The following KHDRBS2 variants were observed in gnomAD, a reference collection of about 807,000 sequenced individuals.
KHDRBS2 encodes KH RNA binding domain containing, signal transduction associated 2.
KHDRBS2 carries 26 observed loss-of-function variants against 44.3 expected under a neutral mutation model. That is an observed-to-expected ratio of 0.59 (90% CI 0.43 to 0.81). The LOEUF is 0.81. KHDRBS2 is among the 40% of genes least tolerant of loss of function. The pLI is 0.00. For synonymous variants in KHDRBS2, 194 were observed against 151.1 expected (o/e 1.28, Z -2.08); for missense variants, 476 against 433.1 (o/e 1.10, Z -0.88).
At chr6:62,065,436 T>C (rs1337585504) in intron 2 of KHDRBS2, among the ~76,000 whole-genome samples, 1 of 128,684 alleles carries the variant, frequency 7.8e-6, no homozygotes, top group Non-Finnish European at 1.7e-5. Context: ...ATATACACCA[T>C]GGAATACTAT....
At chr6:62,255,315 C>T (rs2150177659) in intron 1 of KHDRBS2, among the ~76,000 whole-genome samples, 1 of 152,126 alleles carries the variant, frequency 6.6e-6, no homozygotes, top group South Asian at 2.1e-4. Flanking sequence ...GTCCACATGA[C>T]ATATCAGAGG....
the KHDRBS2 span, among the ~76,000 whole-genome samples, chr6:61,650,330 T>G: frequency 6.6e-6 from 1 of 151,880 alleles, no homozygotes; most frequent in Non-Finnish European, 1.5e-5. Flanking sequence ...TTTTGTTTAT[T>G]GCTCCAAACT....
At chr6:61,769,123 C>A (rs1225138892) in intron 6 of KHDRBS2, among the ~76,000 whole-genome samples, 1 of 152,054 alleles carries the variant, frequency 6.6e-6, no homozygotes, top group Non-Finnish European at 1.5e-5. Flanking sequence ...GCATTTTAGG[C>A]TGACGTTAAA....
At chr6:61,954,395 ACG>A (rs1765540831) in intron 4 of KHDRBS2, among the ~76,000 whole-genome samples, 1 of 144,836 alleles carries the variant, frequency 6.9e-6, no homozygotes, top group African/African-American at 2.5e-5. Context: ...ATACATATAT[ACG>A]TATGTATGCA....
At chr6:61,677,660 T>G (rs1362870198), downstream of KHDRBS2, among the ~76,000 whole-genome samples, 1 of 151,934 alleles carries the variant, frequency 6.6e-6, no homozygotes, top group Non-Finnish European at 1.5e-5. Context: ...CTTATAAAAT[T>G]TGAACAATTC....
In KHDRBS2 at chr6:61,708,901, A is replaced by G. The variant is rs570246503; in HGVS notation, c.894-11648T>C. Reference sequence around the variant, plus strand: ...GGGTTCCACTTGGAATACAATCAGTACTTTTTCTAAAAATTATATACAGAA... The same window carrying G: ...GGGTTCCACTTGGAATACAATCAGTGCTTTTTCTAAAAATTATATACAGAA... On this transcript the variant is annotated intron_variant, in intron 7 of 8. Transcript: ENST00000281156. 9.2e-5 allele frequency among the ~76,000 whole-genome samples: 14 copies of G among 151,784 alleles called. No individual in the cohort carries two copies. In the East Asian group the frequency reaches 2.3e-3, roughly 25 times the overall value.
chr6:62,286,195 G>C lies in KHDRBS2; in HGVS notation c.-247C>G. 1 of 516,814 alleles carries C rather than the reference G, an allele frequency of 1.9e-6. No homozygotes were observed. Among genetic ancestry groups the C allele is most frequent in the East Asian group, 3.7e-5 (1 of 27,288 alleles). 32.0% of individuals were successfully genotyped at this position (516,814 alleles called of 1,614,324 possible). A position where few individuals can be genotyped will look rare whatever the true frequency, so the allele number is the denominator to read the frequency against. On this transcript the variant is annotated 5_prime_UTR_variant, in exon 1 of 9. Transcript: ENST00000281156. ...TCGCGCAGAGCCCCGGCTCACACCA[G>C]CGGCCTTAACTGGAGAGGCGGGAAC... is the stretch of plus-strand genomic sequence containing the variant.
Position 61,680,274 on chromosome 6 carries a change from T to G in KHDRBS2, c.*689A>C, listed in dbSNP as rs1375024468. 2 of 152,420 alleles carry G rather than the reference T, an allele frequency of 1.3e-5. No homozygotes were observed. The highest frequency in any genetic ancestry group is 2.9e-5 in the Non-Finnish European group (2 of 67,886). 9.4% of individuals were successfully genotyped at this position (152,420 alleles called of 1,614,324 possible). On this transcript the variant is annotated 3_prime_UTR_variant, in exon 9 of 9. Coordinates refer to ENST00000281156, the MANE Select transcript of KHDRBS2 (RefSeq NM_152688.4). ...AGTTTTCAGCTTTATTGACAAATTA[T>G]GGCAAACATATTTGACAAATTGTGG...
At position 61,758,306 on chromosome 6, in the gene KHDRBS2, A is replaced by G. The variant is rs112762669; in HGVS notation, c.811-25542T>C. On this transcript the variant is annotated intron_variant, in intron 6 of 8. Coordinates refer to ENST00000281156, the MANE Select transcript of KHDRBS2 (RefSeq NM_152688.4). ...TGTATGTTTTTTGTTGTTTTAGGTCAAAACGTAAGTCTAGTTCATGTTAAC... is the reference window on the plus strand; with the variant it reads ...TGTATGTTTTTTGTTGTTTTAGGTCGAAACGTAAGTCTAGTTCATGTTAAC... Among the ~76,000 whole-genome samples, 208 of 152,144 alleles carry G rather than the reference A, an allele frequency of 1.4e-3. 1 individual carries two copies. The highest frequency in any genetic ancestry group is 4.9e-3 in the African/African-American group (202 of 41,536).
At chr6:62,279,762 T>C (rs1841535587) in intron 1 of KHDRBS2, among the ~76,000 whole-genome samples, 1 of 152,170 alleles carries the variant, frequency 6.6e-6, no homozygotes, top group Non-Finnish European at 1.5e-5. Flanking sequence ...AGTGAGGTCT[T>C]AGCATGTGCA....
intron 6 of KHDRBS2, among the ~76,000 whole-genome samples, chr6:61,858,058 A>G (rs1423201585): frequency 6.6e-6 from 1 of 151,954 alleles, no homozygotes; most frequent in Non-Finnish European, 1.5e-5. Context: ...TGCATTCAAG[A>G]TTGACATCAT....
At chr6:61,610,446 C>A in the KHDRBS2 span, among the ~76,000 whole-genome samples, 1 of 151,904 alleles carries the variant, frequency 6.6e-6, no homozygotes, top group Non-Finnish European at 1.5e-5. Flanking sequence ...AATTTGGGAG[C>A]CTTTTATCTG....
chr6:61,884,489 C>A (rs1020580612), intron 6 of KHDRBS2, among the ~76,000 whole-genome samples: 16 of 152,008 alleles, frequency 1.1e-4, no homozygotes, highest in African/African-American at 2.9e-4. Context: ...AAACTGGAAA[C>A]TGTTTTGTCT....
intron 6 of KHDRBS2, among the ~76,000 whole-genome samples, chr6:61,886,057 T>C (rs1205715628): frequency 6.6e-6 from 1 of 152,176 alleles, no homozygotes; most frequent in Non-Finnish European, 1.5e-5. Flanking sequence ...GGGCCACATC[T>C]CAGTCAGTCT....
chr6:62,007,087 T>C (rs1779378936), intron 3 of KHDRBS2, among the ~76,000 whole-genome samples: 1 of 152,092 alleles, frequency 6.6e-6, no homozygotes, highest in African/African-American at 2.4e-5. Context: ...CTACCTTTCA[T>C]GTTTCTGCTC....
intron 1 of KHDRBS2, among the ~76,000 whole-genome samples, chr6:62,260,367 C>T (rs909120982): frequency 1.3e-5 from 2 of 151,860 alleles, no homozygotes; most frequent in Non-Finnish European, 2.9e-5. Flanking sequence ...GACCTTTTGT[C>T]AATATAATTC....
chr6:62,161,204 A>T (rs1304859817), intron 2 of KHDRBS2, among the ~76,000 whole-genome samples: 1 of 151,992 alleles, frequency 6.6e-6, no homozygotes, highest in Admixed American at 6.6e-5. Context: ...TATAAATAGC[A>T]TATATTTGAA....
At chr6:61,793,024 C>T (rs1302132359) in intron 6 of KHDRBS2, among the ~76,000 whole-genome samples, 1 of 151,840 alleles carries the variant, frequency 6.6e-6, no homozygotes, top group Non-Finnish European at 1.5e-5. Context: ...TATTACAAAG[C>T]TTCGATGATT....
intron 7 of KHDRBS2, among the ~76,000 whole-genome samples, chr6:61,716,411 TA>T (rs1168304903): frequency 6.6e-6 from 1 of 151,958 alleles, no homozygotes; most frequent in African/African-American, 2.4e-5. Context: ...TCCAGATGTA[TA>T]AAAAAATTCC....
Sources: allele counts gnomAD v4.1 joint callset (sites outside exome capture counted in the v4.1 genomes callset), GRCh38; gene constraint gnomAD v4.1.1; transcripts MANE v1.5; gene names NCBI Gene and HGNC (gene_info 2026-07-23, HGNC 2026-07-21).